The following GRM3 variants were observed in gnomAD, a reference collection of about 807,000 sequenced individuals.
GRM3 encodes glutamate metabotropic receptor 3, also known as metabotropic glutamate receptor 3.
GRM3 carries 26 observed loss-of-function variants against 70.5 expected under a neutral mutation model. The ratio of observed to expected loss-of-function variants is 0.37; its 90% CI spans 0.27 to 0.51. The LOEUF (loss-of-function observed/expected upper bound fraction) is 0.51. Among genes scored for constraint, GRM3 ranks in the 20% least tolerant of loss-of-function variants. The pLI is 0.93. For synonymous variants in GRM3, 443 were observed against 434.9 expected, an observed-to-expected ratio of 1.02 and a Z score of -0.23; for missense variants, 859 against 1,123.8, an observed-to-expected ratio of 0.76 and a Z score of 3.37.
intron 1 of GRM3, among the ~76,000 whole-genome samples, chr7:86,756,315 G>C (rs527768581): frequency 5.3e-5 from 8 of 152,214 alleles, no homozygotes; most frequent in African/African-American, 1.9e-4. Flanking sequence ...CTGACCTCAA[G>C]TGATCCACCC....
chr7:86,730,719 T>C lies in GRM3; in HGVS notation c.-140-34287T>C, dbSNP rs538637097. ...AGGCCGTTTTGCATGCTAACCTACA[T>C]TCCTTGCTTTAACTCTTTCGCCATT... On this transcript the variant is annotated intron_variant, in intron 1 of 5. Coordinates refer to ENST00000361669, the MANE Select transcript of GRM3 (RefSeq NM_000840.3). Among the ~76,000 whole-genome samples the C allele has an allele frequency of 2.0e-4, 30 of 152,318 alleles. 1 individual carries two copies. The highest frequency in any genetic ancestry group is 7.2e-4 in the African/African-American group (30 of 41,584).
intron 4 of GRM3, among the ~76,000 whole-genome samples, chr7:86,840,848 T>C (rs1798545000): frequency 1.3e-5 from 2 of 152,144 alleles, no homozygotes; most frequent in South Asian, 4.1e-4. Flanking sequence ...AATCCTCAAA[T>C]CTGCTGTTTA....
chr7:86,791,296 G>T (rs1004755222), intron 3 of GRM3, among the ~76,000 whole-genome samples: 3 of 152,140 alleles, frequency 2.0e-5, no homozygotes, highest in African/African-American at 7.2e-5. Flanking sequence ...TAATATGATT[G>T]CTTTGAAAAA....
At chr7:86,785,183 T>G (rs1797193216) in intron 2 of GRM3, among the ~76,000 whole-genome samples, 1 of 152,230 alleles carries the variant, frequency 6.6e-6, no homozygotes, top group Admixed American at 6.5e-5. Context: ...TAAAATCCAC[T>G]TAGTATGTTA....
At chr7:86,848,474 C>T (rs77865488) in intron 4 of GRM3, among the ~76,000 whole-genome samples, 4 of 152,188 alleles carry the variant, frequency 2.6e-5, no homozygotes, top group Non-Finnish European at 4.4e-5. Context: ...GACTAGAGGG[C>T]GTTTTCATCT....
intron 1 of GRM3, among the ~76,000 whole-genome samples, chr7:86,660,826 T>C (rs764186620): frequency 6.6e-6 from 1 of 151,954 alleles, no homozygotes; most frequent in Non-Finnish European, 1.5e-5. Flanking sequence ...AGTTAGCTAG[T>C]TAATGTTGAC....
At chr7:86,814,996 T>C (rs746603815) in intron 3 of GRM3, among the ~76,000 whole-genome samples, 14 of 151,872 alleles carry the variant, frequency 9.2e-5, no homozygotes, top group Non-Finnish European at 1.6e-4. Flanking sequence ...TATTAATTTC[T>C]AGACTCTTTT....
intron 1 of GRM3, among the ~76,000 whole-genome samples, chr7:86,700,044 G>A (rs775069821): frequency 6.6e-6 from 1 of 151,936 alleles, no homozygotes; most frequent in East Asian, 1.9e-4. Context: ...ACAGTCCAGA[G>A]GCTGGTAATA....
intron 1 of GRM3, among the ~76,000 whole-genome samples, chr7:86,727,263 A>C (rs1248309188): frequency 6.6e-6 from 1 of 152,158 alleles, no homozygotes; most frequent in Non-Finnish European, 1.5e-5. Context: ...CTTTAGAAAG[A>C]CATGCAAAGT....
chr7:86,685,805 C>CTGA (rs1229885525), intron 1 of GRM3, among the ~76,000 whole-genome samples: 1 of 150,690 alleles, frequency 6.6e-6, no homozygotes, highest in African/African-American at 2.4e-5. Flanking sequence ...ACTCACAAGG[C>CTGA]TGAGGCAAGA....
chr7:86,794,541 G>A (rs1386231359), intron 3 of GRM3, among the ~76,000 whole-genome samples: 3 of 152,178 alleles, frequency 2.0e-5, no homozygotes, highest in Non-Finnish European at 2.9e-5. Context: ...GGATGCTGAT[G>A]TTATACTCTG....
chr7:86,750,462 G>A (rs1003680195), intron 1 of GRM3, among the ~76,000 whole-genome samples: 2 of 152,032 alleles, frequency 1.3e-5, no homozygotes, highest in Non-Finnish European at 2.9e-5. Context: ...CCCAGACTTG[G>A]AAACATATGC....
chr7:86,745,858 C>T lies in GRM3; in HGVS notation c.-140-19148C>T, dbSNP rs183105080. On this transcript the variant is annotated intron_variant, in intron 1 of 5. Transcript: ENST00000361669. ...AAGTATCTACCTGATTAAACGAGCT[C>T]ACTGAGGACAAAGACAGATGTAGTC... is the stretch of plus-strand genomic sequence containing the variant. Among the ~76,000 whole-genome samples, 229 of 152,122 alleles carry T rather than the reference C, an allele frequency of 1.5e-3. 1 individual carries two copies. The highest frequency in any genetic ancestry group is 1.2e-3 in the Non-Finnish European group (84 of 67,990).
intron 1 of GRM3, among the ~76,000 whole-genome samples, chr7:86,689,402 A>C (rs1416697608): frequency 6.6e-6 from 1 of 152,084 alleles, no homozygotes; most frequent in African/African-American, 2.4e-5. Context: ...TAAATAAAAT[A>C]ATGAAATACA....
chr7:86,839,422 A>G lies in GRM3; in HGVS notation c.1908A>G (p.Pro636=). The change falls in exon 4 of 6, where the codon CCA becomes CCG. Residue 636 remains proline (P), a synonymous_variant. Transcript: ENST00000361669. The surrounding 1 kb of genome is among the most constrained non-coding windows in gnomAD (Gnocchi z 4.5). ...TGACATTCTTCTTCATTGCCAAGCC[A>G]TCACCAGTCATCTGTGCATTGCGCC... ...YCMTFFFIAK[P]SPVICALRRL... 1.2e-6 allele frequency: 2 copies of G among 1,614,016 alleles called. No homozygotes were observed. Among genetic ancestry groups the G allele is most frequent in the Admixed American group, 1.7e-5 (1 of 60,026 alleles).
chr7:86,675,261 C>A (rs920003602), intron 1 of GRM3, among the ~76,000 whole-genome samples: 1 of 151,962 alleles, frequency 6.6e-6, no homozygotes, highest in Non-Finnish European at 1.5e-5. Flanking sequence ...TGGAATGATA[C>A]CACCATTTTC....
intron 1 of GRM3, among the ~76,000 whole-genome samples, chr7:86,655,397 G>A (rs1409231861): frequency 1.3e-5 from 2 of 152,270 alleles, no homozygotes; most frequent in East Asian, 3.9e-4. Flanking sequence ...TAAGTAACAG[G>A]TAGGTAGATC....
chr7:86,728,720 C>G (rs1235928553), intron 1 of GRM3, among the ~76,000 whole-genome samples: 1 of 152,098 alleles, frequency 6.6e-6, no homozygotes, highest in Admixed American at 6.6e-5. Context: ...ACACACAGAG[C>G]AGGGCATCTA....
At chr7:86,661,295 G>C (rs1009495044) in intron 1 of GRM3, among the ~76,000 whole-genome samples, 1 of 151,920 alleles carries the variant, frequency 6.6e-6, no homozygotes, top group African/African-American at 2.4e-5. Flanking sequence ...CTGGGAGTAG[G>C]CTACTTAATA....
Sources: gnomAD v4.1 joint callset for allele counts (sites outside exome capture counted in the v4.1 genomes callset) on GRCh38, gnomAD v4.1.1 for gene constraint, Gnocchi (gnomAD v3.1) non-coding constraint, MANE v1.5 for transcripts, NCBI Gene and HGNC (gene_info 2026-07-23, HGNC 2026-07-21) for gene names.